DNM2: variants seen among roughly 807,000 people sequenced by gnomAD.
DNM2 encodes the protein dynamin-2.
Under a neutral mutation model 99.0 loss-of-function variants are expected in DNM2, and 15 were observed. That is an observed-to-expected ratio of 0.15 (90% CI 0.10 to 0.23). The LOEUF (loss-of-function observed/expected upper bound fraction) is 0.23. DNM2 is among the 10% of genes least tolerant of loss of function. The pLI is 1.00. For missense variants in DNM2, 742 were observed against 1,189.4 expected, an observed-to-expected ratio of 0.62 and a Z score of 5.53; for synonymous variants, 525 against 481.2, an observed-to-expected ratio of 1.09 and a Z score of -1.19.
At position 10,760,827 on chromosome 19, in the gene DNM2, A is replaced by ATTTTTTTTT. The variant is rs57290103; in HGVS notation, c.235+1025_235+1033dup. On this transcript the variant is annotated intron_variant, in intron 2 of 20. Transcript: ENST00000389253. ...GTGCACACACCACCACACCCAGCTG[A>ATTTTTTTTT]TTTTTTTTTTTTTTTTTGGTAGAGA... Among the ~76,000 whole-genome samples the ATTTTTTTTT allele has an allele frequency of 1.2e-4, 5 of 41,264 alleles. 1 individual carries two copies. The highest frequency in any genetic ancestry group is 2.8e-4 in the African/African-American group (3 of 10,640). 27.1% of individuals were successfully genotyped at this position (41,264 alleles called of 152,430 possible). A position where few individuals can be genotyped will look rare whatever the true frequency, so the allele number is the denominator to read the frequency against.
At chr19:10,759,687 C>T in intron 1 of DNM2, 51 bp from the exon 2 acceptor site, 1 of 1,610,036 alleles carries the variant, frequency 6.2e-7, no homozygotes, top group Non-Finnish European at 8.5e-7. Context: ...ACACTTCCTG[C>T]CCCTCGATCC....
At position 10,795,259 on chromosome 19, in the gene DNM2, T is replaced by G. The variant is rs1351284320; in HGVS notation, c.1129-113T>G. ...TTAAATAAAATTTTGACGAGTTAAATATTCTGCCTTGTGAATATAGCCACA... is the reference window on the plus strand; with the variant it reads ...TTAAATAAAATTTTGACGAGTTAAAGATTCTGCCTTGTGAATATAGCCACA... On this transcript the variant is annotated intron_variant, in intron 8 of 20. Coordinates refer to ENST00000389253, the MANE Select transcript of DNM2 (RefSeq NM_001005361.3). The surrounding 1 kb of genome is among the most constrained non-coding windows in gnomAD (Gnocchi z 4.2). 2 of 992,694 alleles carry G rather than the reference T, an allele frequency of 2.0e-6. No individual in the cohort carries two copies. The highest frequency in any genetic ancestry group is 3.2e-6 in the Non-Finnish European group (2 of 623,300). 61.5% of individuals were successfully genotyped at this position (992,694 alleles called of 1,614,324 possible).
intron 15 of DNM2, among the ~76,000 whole-genome samples, chr19:10,814,854 G>A (rs1475535144): frequency 1.3e-5 from 2 of 152,100 alleles, no homozygotes; most frequent in South Asian, 2.1e-4. Context: ...TTCTCTTGAC[G>A]TAACCATGGC....
chr19:10,816,212 C>T lies in DNM2; in HGVS notation c.1672-3768C>T, dbSNP rs150033349. ...CCCCAGCCCGACATCCGAACACCTCCGCTGCAGCCCAGGCCTGATGTCCCC... is the reference window on the plus strand; with the variant it reads ...CCCCAGCCCGACATCCGAACACCTCTGCTGCAGCCCAGGCCTGATGTCCCC... On this transcript the variant is annotated intron_variant, in intron 15 of 20. Transcript: ENST00000389253. This position sits in a 1 kb window ranked among gnomAD's most constrained non-coding sequence, Gnocchi z 4.6. Among the ~76,000 whole-genome samples the T allele has an allele frequency of 3.8e-3, 577 of 152,248 alleles. 2 individuals carry two copies. The highest frequency in any genetic ancestry group is 0.014 in the Middle Eastern group (4 of 294).
rs184520870 is a variant in DNM2, at chr19:10,806,566, G to A, written c.1545+599G>A. Among the ~76,000 whole-genome samples, 65 of 152,222 alleles carry A rather than the reference G, an allele frequency of 4.3e-4. 1 individual carries two copies. The Middle Eastern group carries it at 0.01, about 24-fold the overall frequency. ...AGCATGTTAGGAGGCTGAGGCGGGCGGATTGCCTGAGCTCAGGAGTTTGAG... is the reference window on the plus strand; with the variant it reads ...AGCATGTTAGGAGGCTGAGGCGGGCAGATTGCCTGAGCTCAGGAGTTTGAG... On this transcript the variant is annotated intron_variant, in intron 13 of 20. Transcript: ENST00000389253.
At chr19:10,759,662 C>A in intron 1 of DNM2, 76 bp from the exon 2 acceptor site, 1 of 1,581,108 alleles carries the variant, frequency 6.3e-7, no homozygotes, top group South Asian at 1.1e-5. Context: ...CAGAGTTGCT[C>A]CACCACATGT....
intron 1 of DNM2, among the ~76,000 whole-genome samples, chr19:10,729,058 T>G (rs2069204807): frequency 7.6e-6 from 1 of 132,406 alleles, no homozygotes; most frequent in Non-Finnish European, 1.5e-5. Flanking sequence ...CCATCTCTAC[T>G]AAAAATATAG....
intron 17 of DNM2, chr19:10,824,785 G>T: frequency 2.0e-6 from 1 of 489,072 alleles, no homozygotes; most frequent in Admixed American, 3.3e-5. Flanking sequence ...CTGCAGCCTG[G>T]GTGACATAGC....
In DNM2 at chr19:10,797,368, C is replaced by T. The variant is rs1427834400; in HGVS notation, c.1197-12C>T. 6.2e-6 allele frequency: 10 copies of T among 1,611,744 alleles called. No homozygotes were observed. The highest frequency in any genetic ancestry group is 3.3e-5 in the Admixed American group (2 of 59,960). On this transcript the variant is annotated splice_polypyrimidine_tract_variant and intron_variant, in intron 9 of 20. Transcript: ENST00000389253. ...TGTCTTTCTGCCTCATCCTGCCCTC[C>T]GCATGACCCAGGACGGGGCTCTTCA...
intron 1 of DNM2, among the ~76,000 whole-genome samples, chr19:10,727,218 A>C (rs560821280): frequency 1.3e-5 from 2 of 152,178 alleles, no homozygotes; most frequent in East Asian, 3.9e-4. Context: ...GCTTTTTCAG[A>C]GTTACTTATT....
intron 1 of DNM2, among the ~76,000 whole-genome samples, chr19:10,753,210 GCTA>G (rs1432785544): frequency 6.6e-6 from 1 of 152,192 alleles, no homozygotes; most frequent in African/African-American, 2.4e-5. Flanking sequence ...ATAGCTATTA[GCTA>G]CTCTAATGTT....
At position 10,830,212 on chromosome 19, in the gene DNM2, C is replaced by G. The variant is rs1599641253; in HGVS notation, c.2377C>G (p.Leu793Val). ...AVRGPTPGPPLIPVPVGAAAS... is the reference protein window; with the variant it reads ...AVRGPTPGPPVIPVPVGAAAS... Reference sequence around the variant, plus strand: ...GAGGGGCCCCACTCCAGGGCCCCCCCTGATTCCTGTTCCCGTGGGGGCAGC... The same window carrying G: ...GAGGGGCCCCACTCCAGGGCCCCCCGTGATTCCTGTTCCCGTGGGGGCAGC... Residue 793 changes from leucine (L) to valine (V), a missense_variant, in exon 20 of 21, where the codon CTG (leucine) becomes GTG (valine). Physicochemically the swap from Leu to Val is conservative, Grantham distance 32 (BLOSUM62 1). Transcript: ENST00000389253. The surrounding 1 kb of genome is among the most constrained non-coding windows in gnomAD (Gnocchi z 4.8). The G allele has an allele frequency of 6.2e-7, 1 of 1,613,966 alleles. No homozygotes were observed. The highest frequency in any genetic ancestry group is 1.1e-5 in the South Asian group (1 of 91,082).
At chr19:10,734,152 T>C (rs1427908304) in intron 1 of DNM2, among the ~76,000 whole-genome samples, 1 of 151,024 alleles carries the variant, frequency 6.6e-6, no homozygotes, top group Non-Finnish European at 1.5e-5. Flanking sequence ...GCCAGGAGTT[T>C]GAGACCAGCC....
At chr19:10,727,031 T>G (rs2069138489) in intron 1 of DNM2, among the ~76,000 whole-genome samples, 1 of 152,164 alleles carries the variant, frequency 6.6e-6, no homozygotes, top group Admixed American at 6.6e-5. Flanking sequence ...TGGGATCCTG[T>G]CTTGTTTAAA....
At chr19:10,755,256 A>C (rs985455187) in intron 1 of DNM2, 1 of 152,212 alleles carries the variant, frequency 6.6e-6, no homozygotes, top group Non-Finnish European at 1.5e-5. Flanking sequence ...AATGAACGTC[A>C]GACACACGAA....
chr19:10,744,377 C>T (rs1457168658), intron 1 of DNM2, among the ~76,000 whole-genome samples: 1 of 152,100 alleles, frequency 6.6e-6, no homozygotes, highest in Non-Finnish European at 1.5e-5. Flanking sequence ...ACCTCAAGAA[C>T]GGGTCCGGGC....
intron 17 of DNM2, 87 bp downstream of exon 17, chr19:10,823,986 A>C (rs2073065515): frequency 3.1e-6 from 4 of 1,288,192 alleles, no homozygotes; most frequent in Non-Finnish European, 4.4e-6. Flanking sequence ...GGTCATTTTC[A>C]GGCCATGTTA....
At position 10,817,810 on chromosome 19, in the gene DNM2, T is replaced by G. The variant is rs2072810797; in HGVS notation, c.1672-2170T>G. Among the ~76,000 whole-genome samples the G allele has an allele frequency of 7.5e-6, 1 of 133,778 alleles. No homozygotes were observed. Among genetic ancestry groups the G allele is most frequent in the Non-Finnish European group, 1.7e-5 (1 of 59,638 alleles). The allele number at this position is 133,778 out of a possible 152,430, so 87.8% of individuals were successfully genotyped here. ...AGGGGCGCACACACACGTGTGTGTG[T>G]GTGTGTGCGCGCGCGCGCACGCGTG... On this transcript the variant is annotated intron_variant, in intron 15 of 20. Coordinates refer to ENST00000389253, the MANE Select transcript of DNM2 (RefSeq NM_001005361.3). This position sits in a 1 kb window ranked among gnomAD's most constrained non-coding sequence, Gnocchi z 4.6.
intron 1 of DNM2, among the ~76,000 whole-genome samples, chr19:10,749,902 G>T (rs1449160073): frequency 2.0e-5 from 3 of 152,220 alleles, no homozygotes; most frequent in Non-Finnish European, 4.4e-5. Context: ...GCCTATGGGA[G>T]GGTTTCCTGG....
Sources: allele counts gnomAD v4.1 joint callset (sites outside exome capture counted in the v4.1 genomes callset), GRCh38; gene constraint gnomAD v4.1.1; non-coding constraint Gnocchi (gnomAD v3.1); transcripts MANE v1.5; gene names NCBI Gene and HGNC (gene_info 2026-07-23, HGNC 2026-07-21).